The following RPAP2 variants were observed in gnomAD, a reference collection of about 807,000 sequenced individuals.
The protein encoded by RPAP2 is RNA polymerase II associated protein 2.
RPAP2 carries 52 observed loss-of-function variants against 73.1 expected under a neutral mutation model. That is an observed-to-expected ratio of 0.71 (90% CI 0.57 to 0.90). The LOEUF is 0.90. Ranked by LOEUF, RPAP2 falls within the 40% of genes least tolerant of loss-of-function variation. The pLI, the probability that RPAP2 is intolerant of heterozygous loss-of-function variation, is 0.00. For missense variants in RPAP2, 598 were observed against 701.8 expected, an observed-to-expected ratio of 0.85 and a Z score of 1.67; for synonymous variants, 225 against 242.1, an observed-to-expected ratio of 0.93 and a Z score of 0.65.
At chr1:92,311,274 A>C (rs536938228) in intron 6 of RPAP2, among the ~76,000 whole-genome samples, 22 of 152,290 alleles carry the variant, frequency 1.4e-4, no homozygotes, top group African/African-American at 5.3e-4. Context: ...CTTTGGTTCT[A>C]ATGATTTACA....
chr1:92,373,739 TAAAAAAAA>T (rs59586077), intron 11 of RPAP2, among the ~76,000 whole-genome samples: 999 of 80,564 alleles, frequency 0.012, 22 homozygotes, highest in African/African-American at 0.041. Flanking sequence ...CTACTAAAAA[TAAAAAAAA>T]AAAAAAAAAA....
chr1:92,339,106 TA>T (rs1365497574), intron 10 of RPAP2, among the ~76,000 whole-genome samples: 1 of 152,234 alleles, frequency 6.6e-6, no homozygotes, highest in Non-Finnish European at 1.5e-5. Context: ...ACTTTGTCTA[TA>T]TTTTTTAGAA....
chr1:92,375,162 T>C (rs757529748), intron 11 of RPAP2, among the ~76,000 whole-genome samples: 20 of 152,096 alleles, frequency 1.3e-4, no homozygotes, highest in Non-Finnish European at 2.5e-4. Flanking sequence ...AAAATTATAT[T>C]ATACATCAGA....
chr1:92,386,469 G>A (rs1437968461), intron 12 of RPAP2, among the ~76,000 whole-genome samples: 1 of 152,176 alleles, frequency 6.6e-6, no homozygotes, highest in East Asian at 1.9e-4. Flanking sequence ...AGGATAAGGG[G>A]AAGAGCTAAT....
intron 6 of RPAP2, among the ~76,000 whole-genome samples, chr1:92,315,688 A>G (rs1651865313): frequency 6.6e-6 from 1 of 152,196 alleles, no homozygotes; most frequent in East Asian, 1.9e-4. Flanking sequence ...TAAATTTAAG[A>G]TTTAGACAAA....
chr1:92,364,205 C>G (rs1654840196), intron 11 of RPAP2, among the ~76,000 whole-genome samples: 1 of 152,086 alleles, frequency 6.6e-6, no homozygotes, highest in Non-Finnish European at 1.5e-5. Flanking sequence ...CCCTTCTTCC[C>G]CATATCTCCA....
In RPAP2 at chr1:92,299,094, G is replaced by A. The variant is rs1394282598; in HGVS notation, c.21G>A (p.Pro7=). The change falls in exon 1 of 13, where the codon CCG becomes CCA. Residue 7 remains proline (P), a synonymous_variant. Transcript: ENST00000610020. ...CCCCCATGGCGGACTTCGCTGGGCC[G>A]TCTTCTGCCGGCCGCAAGGCCGGGG... MADFAG[P]SSAGRKAGAP... 2.0e-6 allele frequency: 3 copies of A among 1,518,682 alleles called. No homozygotes were observed. The highest frequency in any genetic ancestry group is 2.1e-5 in the Admixed American group (1 of 47,978). 94.1% of individuals were successfully genotyped at this position (1,518,682 alleles called of 1,614,324 possible).
At chr1:92,343,157 G>T (rs982870105) in intron 10 of RPAP2, among the ~76,000 whole-genome samples, 13 of 152,190 alleles carry the variant, frequency 8.5e-5, no homozygotes, top group Non-Finnish European at 1.9e-4. Context: ...CAAGGAGAGT[G>T]CTCATGAGAG....
chr1:92,360,583 G>A (rs182014121), intron 11 of RPAP2, among the ~76,000 whole-genome samples: 4 of 152,244 alleles, frequency 2.6e-5, no homozygotes, highest in Admixed American at 2.6e-4. Context: ...GGTAACTGGT[G>A]GAATGTGGCC....
chr1:92,307,401 G>T, intron 6 of RPAP2, 125 bp downstream of exon 6: 2 of 591,430 alleles, frequency 3.4e-6, no homozygotes, highest in Non-Finnish European at 5.7e-6. Context: ...TACTTTATGG[G>T]GAAATGGTTA....
chr1:92,324,546 A>G (rs1178983771), intron 8 of RPAP2, among the ~76,000 whole-genome samples, 171 bp downstream of exon 8: 1 of 152,194 alleles, frequency 6.6e-6, no homozygotes, highest in African/African-American at 2.4e-5. Context: ...TGGCATTACT[A>G]TTTTACAAAT....
In RPAP2 at chr1:92,395,700, CATA is replaced by C. The variant is rs992081168; in HGVS notation, c.*8694_*8696del. The C allele has an allele frequency of 5.4e-5, 8 of 149,052 alleles. No individual in the cohort carries two copies. Among genetic ancestry groups the C allele is most frequent in the Non-Finnish European group, 1.2e-4 (8 of 67,346 alleles). The allele number at this position is 149,052 out of a possible 1,614,324, so 9.2% of individuals were successfully genotyped here. A position where few individuals can be genotyped will look rare whatever the true frequency, so the allele number is the denominator to read the frequency against. On this transcript the variant is annotated 3_prime_UTR_variant, in exon 13 of 13. Transcript: ENST00000610020. ...AGACTGGGAGAAAATATTTTCAAAC[CATA>C]ATAAGTATCTGATAGAGGACTTGTA...
intron 12 of RPAP2, among the ~76,000 whole-genome samples, chr1:92,383,721 T>C (rs1335484930): frequency 2.0e-5 from 3 of 151,156 alleles, no homozygotes; most frequent in East Asian, 3.9e-4. Context: ...ACAGGGACAA[T>C]TTGACTTCCT....
intron 4 of RPAP2, 77 bp downstream of exon 4, chr1:92,304,152 A>C (rs1030376104): frequency 2.4e-6 from 3 of 1,265,546 alleles, no homozygotes; most frequent in African/African-American, 3.0e-5. Flanking sequence ...AAGAATAAGA[A>C]ATAAAACCTA....
intron 11 of RPAP2, among the ~76,000 whole-genome samples, chr1:92,358,458 G>C (rs1321567703): frequency 6.6e-6 from 1 of 151,994 alleles, no homozygotes; most frequent in Non-Finnish European, 1.5e-5. Context: ...CTATACATAG[G>C]CCTTTACAAC....
chr1:92,383,176 GTAGTA>G (rs1414580848), intron 12 of RPAP2, among the ~76,000 whole-genome samples: 1 of 152,112 alleles, frequency 6.6e-6, no homozygotes, highest in African/African-American at 2.4e-5. Flanking sequence ...CTGTAGCCTT[GTAGTA>G]TAGTTTGAAG....
intron 11 of RPAP2, among the ~76,000 whole-genome samples, chr1:92,351,305 C>CA (rs60111119): frequency 0.012 from 1,066 of 86,682 alleles, 26 homozygotes; most frequent in Non-Finnish European, 0.015. Context: ...GACTCTGTCT[C>CA]AAAAAAAAAA....
intron 11 of RPAP2, among the ~76,000 whole-genome samples, chr1:92,349,254 C>T (rs1654076317): frequency 6.6e-6 from 1 of 152,138 alleles, no homozygotes; most frequent in Admixed American, 6.5e-5. Context: ...GCAGTTGTCA[C>T]TTAAGATGAA....
At chr1:92,374,534 C>T (rs1347993606) in intron 11 of RPAP2, among the ~76,000 whole-genome samples, 2 of 152,100 alleles carry the variant, frequency 1.3e-5, no homozygotes, top group African/African-American at 4.8e-5. Flanking sequence ...GTCCTAAACT[C>T]GAGTTACTCC....
Sources: allele counts gnomAD v4.1 joint callset (sites outside exome capture counted in the v4.1 genomes callset), GRCh38; gene constraint gnomAD v4.1.1; transcripts MANE v1.5; gene names NCBI Gene and HGNC (gene_info 2026-07-23, HGNC 2026-07-21).